Variants in RALGAPA1 observed in about 807,000 individuals in gnomAD.
RALGAPA1 encodes ral GTPase-activating protein subunit alpha-1.
RALGAPA1 carries 52 observed loss-of-function variants against 269.6 expected under a neutral mutation model. The ratio of observed to expected loss-of-function variants is 0.19; its 90% confidence interval spans 0.15 to 0.24. The LOEUF (loss-of-function observed/expected upper bound fraction) is 0.24, where lower values mean the gene tolerates loss of function less well. RALGAPA1 is among the 10% of genes least tolerant of loss of function. RALGAPA1 has a pLI of 1.00. For synonymous variants in RALGAPA1, 817 were observed against 1,008.3 expected (o/e 0.81, Z 3.60); for missense variants, 1,917 against 3,013.9 (o/e 0.64, Z 8.52).
At position 35,689,863 on chromosome 14, in the gene RALGAPA1, C is replaced by T. The variant is rs137995108; in HGVS notation, c.2548G>A (p.Glu850Lys). ...TTGGCTCGTTCAACAGTGAATGGTTCCAAGATGTCAGAAGTGCTGCTACTT... is the reference window on the plus strand; with the variant it reads ...TTGGCTCGTTCAACAGTGAATGGTTTCAAGATGTCAGAAGTGCTGCTACTT... Reference protein sequence around the residue: ...PRSSSTSDILEPFTVERAKGA... With the variant: ...PRSSSTSDILKPFTVERAKGA... Residue 850 changes from glutamate (E) to lysine (K), a missense_variant, in exon 18 of 42, where the codon GAA (glutamate) becomes AAA (lysine). This residue lies in a region of RALGAPA1 where 615 missense variants were observed against 790.0 expected (regional missense o/e 0.78). Transcript: ENST00000680220. The T allele has an allele frequency of 8.8e-5, 141 of 1,604,850 alleles. No individual in the cohort carries two copies. The African/African-American group carries it at 1.8e-3, about 20-fold the overall frequency.
chr14:35,705,986 C>T (rs911818305), intron 16 of RALGAPA1, among the ~76,000 whole-genome samples: 1 of 152,084 alleles, frequency 6.6e-6, no homozygotes, highest in African/African-American at 2.4e-5. Flanking sequence ...GCCCATTTTT[C>T]AGGTTGTTCT....
chr14:35,690,479 T>A (rs1191266634), intron 17 of RALGAPA1, among the ~76,000 whole-genome samples: 1 of 152,220 alleles, frequency 6.6e-6, no homozygotes, highest in Admixed American at 6.5e-5. Flanking sequence ...TTTCTTCAAA[T>A]TTTGCTTCTC....
intron 37 of RALGAPA1, among the ~76,000 whole-genome samples, chr14:35,575,131 G>GA (rs61622892): frequency 0.96 from 139,525 of 145,036 alleles, 67,250 homozygotes; most frequent in East Asian, 1. Context: ...CCATCTCAAA[G>GA]AAAAAAAAAA....
At chr14:35,567,136 G>A (rs1384783249) in intron 39 of RALGAPA1, among the ~76,000 whole-genome samples, 1 of 151,838 alleles carries the variant, frequency 6.6e-6, no homozygotes, top group Non-Finnish European at 1.5e-5. Context: ...TTTGCTGGTA[G>A]AAAACTTCAG....
intron 37 of RALGAPA1, among the ~76,000 whole-genome samples, chr14:35,584,550 C>T (rs1221685658): frequency 6.6e-6 from 1 of 152,152 alleles, no homozygotes; most frequent in Non-Finnish European, 1.5e-5. Flanking sequence ...CAGGTGTTAG[C>T]CACTGCACCC....
chr14:35,759,242 T>C (rs923433768), intron 6 of RALGAPA1, among the ~76,000 whole-genome samples: 1 of 152,232 alleles, frequency 6.6e-6, no homozygotes, highest in Non-Finnish European at 1.5e-5. Context: ...AAACATAGTT[T>C]TGCTTTACCA....
chr14:35,572,217 A>G (rs1373610151), intron 38 of RALGAPA1, among the ~76,000 whole-genome samples: 1 of 152,184 alleles, frequency 6.6e-6, no homozygotes, highest in Non-Finnish European at 1.5e-5. Context: ...ATATAGTCCT[A>G]TTATAAAGTA....
chr14:35,693,325 T>C (rs995663728), intron 17 of RALGAPA1, among the ~76,000 whole-genome samples: 2 of 151,854 alleles, frequency 1.3e-5, no homozygotes, highest in East Asian at 3.9e-4. Flanking sequence ...CAAATGTTAG[T>C]AAATTATACA....
intron 30 of RALGAPA1, among the ~76,000 whole-genome samples, chr14:35,653,813 CG>C (rs1303699623): frequency 5.3e-5 from 8 of 151,280 alleles, no homozygotes; most frequent in African/African-American, 1.9e-4. Context: ...CAGGAGACAC[CG>C]AATTAGAATG....
intron 39 of RALGAPA1, among the ~76,000 whole-genome samples, chr14:35,561,141 C>T (rs927003225): frequency 2.1e-5 from 3 of 145,160 alleles, no homozygotes; most frequent in South Asian, 2.2e-4. Context: ...GCAGGAGAAA[C>T]GCTTGAAACT....
At chr14:35,769,008 CAAAA>C (rs1170324007) in intron 4 of RALGAPA1, among the ~76,000 whole-genome samples, 2 of 11,192 alleles carry the variant, frequency 1.8e-4, no homozygotes, top group Non-Finnish European at 3.1e-4. Context: ...AACTCCGTCT[CAAAA>C]AAAAAAAAAA....
intron 12 of RALGAPA1, among the ~76,000 whole-genome samples, chr14:35,732,213 C>T (rs2070551537): frequency 6.6e-6 from 1 of 152,094 alleles, no homozygotes; most frequent in Non-Finnish European, 1.5e-5. Flanking sequence ...ACCAAGCCAC[C>T]ACTAAAAGAA....
At chr14:35,718,900 T>C (rs1203235824) in intron 16 of RALGAPA1, among the ~76,000 whole-genome samples, 1 of 151,360 alleles carries the variant, frequency 6.6e-6, no homozygotes, top group Non-Finnish European at 1.5e-5. Flanking sequence ...AGTGCAGTGG[T>C]GTGATCTCAG....
At chr14:35,803,507 T>C (rs7152519) in intron 1 of RALGAPA1, among the ~76,000 whole-genome samples, 3,318 of 152,224 alleles carry the variant, frequency 0.022, 123 homozygotes, top group African/African-American at 0.075. Context: ...TTCTGCTTCT[T>C]CAAAGAAACA....
intron 16 of RALGAPA1, among the ~76,000 whole-genome samples, chr14:35,711,665 G>T (rs1366144859): frequency 6.6e-6 from 1 of 152,014 alleles, no homozygotes; most frequent in Non-Finnish European, 1.5e-5. Flanking sequence ...ACGTAGGCTG[G>T]TCTTGAACTA....
intron 18 of RALGAPA1, 55 bp from the exon 19 acceptor site, chr14:35,686,721 A>G: frequency 9.5e-7 from 1 of 1,055,204 alleles, no homozygotes; most frequent in Non-Finnish European, 1.3e-6. Flanking sequence ...TGCATTTTCT[A>G]ACTTTGAAAC....
At chr14:35,747,812 C>T (rs954496647) in intron 10 of RALGAPA1, among the ~76,000 whole-genome samples, 20 of 152,270 alleles carry the variant, frequency 1.3e-4, no homozygotes, top group African/African-American at 4.8e-4. Flanking sequence ...GTTTCTCTTC[C>T]ACAAAATTTC....
intron 1 of RALGAPA1, among the ~76,000 whole-genome samples, chr14:35,795,159 TG>T (rs2076471256): frequency 6.6e-6 from 1 of 152,154 alleles, no homozygotes; most frequent in South Asian, 2.1e-4. Flanking sequence ...ACAAACAAGG[TG>T]TGTCCTATGA....
intron 1 of RALGAPA1, among the ~76,000 whole-genome samples, chr14:35,787,586 T>C (rs754421573): frequency 7.2e-5 from 11 of 152,188 alleles, no homozygotes; most frequent in Non-Finnish European, 1.6e-4. Context: ...TTCTCCTTTG[T>C]TTTCTAACAC....
Sources: gnomAD v4.1 joint callset for allele counts (sites outside exome capture counted in the v4.1 genomes callset) on GRCh38, gnomAD v4.1.1 for gene constraint, gnomAD v4.1.1 regional missense constraint, MANE v1.5 for transcripts, NCBI Gene and HGNC (gene_info 2026-07-23, HGNC 2026-07-21) for gene names.